The following SRGAP1 variants were observed in gnomAD, a reference collection of about 807,000 sequenced individuals.
SRGAP1 encodes SLIT-ROBO Rho GTPase-activating protein 1.
Under a neutral mutation model 121.9 loss-of-function variants are expected in SRGAP1, and 43 were observed. That is an observed-to-expected ratio of 0.35 (90% CI 0.28 to 0.46). SRGAP1 has a LOEUF of 0.46. SRGAP1 is among the 20% of genes least tolerant of loss of function. The pLI is 1.00. For missense variants in SRGAP1, 1,102 were observed against 1,350.9 expected, an observed-to-expected ratio of 0.82 and a Z score of 2.89; for synonymous variants, 447 against 485.4, an observed-to-expected ratio of 0.92 and a Z score of 1.04.
rs1253455605 is a variant in SRGAP1, at chr12:64,156,988, G to A, written c.*14316G>A. 4 of 152,178 alleles carry A rather than the reference G, an allele frequency of 2.6e-5. No homozygotes were observed. Among genetic ancestry groups the A allele is most frequent in the African/African-American group, 7.2e-5 (3 of 41,408 alleles). The allele number at this position is 152,178 out of a possible 1,614,324, so 9.4% of individuals were successfully genotyped here. ...TGCTCATGCTTTGGGACCAGAAAGC[G>A]GATGGTTTGATATGGTAGCTGCACT... On this transcript the variant is annotated 3_prime_UTR_variant, in exon 22 of 22. Coordinates refer to ENST00000355086, the MANE Select transcript of SRGAP1 (RefSeq NM_020762.4).
intron 1 of SRGAP1, among the ~76,000 whole-genome samples, chr12:63,964,146 T>C (rs1159100889): frequency 1.3e-5 from 2 of 152,130 alleles, no homozygotes; most frequent in Non-Finnish European, 2.9e-5. Context: ...TCTTAGTCTC[T>C]TTTTGCCTCA....
chr12:64,091,508 A>G (rs978738291), intron 12 of SRGAP1, 130 bp downstream of exon 12: 12 of 573,004 alleles, frequency 2.1e-5, no homozygotes, highest in Non-Finnish European at 2.9e-5. Context: ...CAGAAAATCA[A>G]TATAATATTT....
chr12:63,881,338 A>T (rs1412171437), intron 1 of SRGAP1, among the ~76,000 whole-genome samples: 1 of 152,210 alleles, frequency 6.6e-6, no homozygotes, highest in Non-Finnish European at 1.5e-5. Context: ...TCAGAATTTC[A>T]CCTGCGTAAT....
intron 4 of SRGAP1, among the ~76,000 whole-genome samples, chr12:64,028,868 G>A (rs1458250554): frequency 6.6e-6 from 1 of 152,122 alleles, no homozygotes; most frequent in Non-Finnish European, 1.5e-5. Context: ...TAGAAGAGTG[G>A]GGTACTTTAT....
At chr12:63,856,126 C>G (rs1899239956) in intron 1 of SRGAP1, among the ~76,000 whole-genome samples, 1 of 152,048 alleles carries the variant, frequency 6.6e-6, no homozygotes, top group South Asian at 2.1e-4. Context: ...GGCATGGTGG[C>G]AGGCGCTGGT....
At chr12:63,915,698 C>A (rs2030739297) in intron 1 of SRGAP1, among the ~76,000 whole-genome samples, 1 of 152,196 alleles carries the variant, frequency 6.6e-6, no homozygotes, top group Non-Finnish European at 1.5e-5. Context: ...TTAACAACTT[C>A]TAGATATGTC....
rs376795746 is a variant in SRGAP1 at position 64,080,401 on chromosome 12, C to G, written c.1408+31C>G. The G allele has an allele frequency of 1.5e-5, 23 of 1,487,162 alleles. No homozygotes were observed. In the African/African-American group the frequency reaches 3.2e-4, roughly 21 times the overall value. 92.1% of individuals were successfully genotyped at this position (1,487,162 alleles called of 1,614,324 possible). A position where few individuals can be genotyped will look rare whatever the true frequency, so the allele number is the denominator to read the frequency against. On this transcript the variant is annotated intron_variant, in intron 10 of 21. Coordinates refer to ENST00000355086, the MANE Select transcript of SRGAP1 (RefSeq NM_020762.4). ...TTATCCAAAATGTATGGGAAGATGA[C>G]CTGGATGATACATCGTATCATGTAT...
chr12:63,862,938 G>A (rs1899503907), intron 1 of SRGAP1, among the ~76,000 whole-genome samples: 1 of 152,134 alleles, frequency 6.6e-6, no homozygotes, highest in African/African-American at 2.4e-5. Flanking sequence ...CCCATTCCCT[G>A]TTCTTAGAGG....
intron 1 of SRGAP1, among the ~76,000 whole-genome samples, chr12:63,962,285 A>G (rs2032664900): frequency 6.6e-6 from 1 of 152,176 alleles, no homozygotes; most frequent in African/African-American, 2.4e-5. Flanking sequence ...CACTTTTTAC[A>G]ATGTAGGCTG....
chr12:63,985,954 G>A (rs972005380), intron 2 of SRGAP1, among the ~76,000 whole-genome samples: 2 of 152,142 alleles, frequency 1.3e-5, no homozygotes, highest in Admixed American at 1.3e-4. Flanking sequence ...ACCTCTCCAT[G>A]ACCTTGGACC....
chr12:64,132,704 C>G (rs1020412647), intron 21 of SRGAP1, among the ~76,000 whole-genome samples: 2 of 152,212 alleles, frequency 1.3e-5, no homozygotes, highest in African/African-American at 4.8e-5. Context: ...AGTGTGTTTG[C>G]TACTTCTTGC....
In SRGAP1 at chr12:63,889,251, G is replaced by A. The variant is rs1900495986; in HGVS notation, c.67+44368G>A. Among the ~76,000 whole-genome samples, 6 of 152,146 alleles carry A rather than the reference G, an allele frequency of 3.9e-5. No individual in the cohort carries two copies. In the South Asian group the frequency reaches 1.2e-3, roughly 32 times the overall value. ...TATGGAAGGACGAGTGAGTGATTGGGTGACAGGGACAAAGCCACATTTGCT... is the reference window on the plus strand; with the variant it reads ...TATGGAAGGACGAGTGAGTGATTGGATGACAGGGACAAAGCCACATTTGCT... On this transcript the variant is annotated intron_variant, in intron 1 of 21. Coordinates refer to ENST00000355086, the MANE Select transcript of SRGAP1 (RefSeq NM_020762.4).
rs553343347 is a variant in SRGAP1, at chr12:64,113,364, C to T, written c.2144+1378C>T. On this transcript the variant is annotated intron_variant, in intron 17 of 21. Coordinates refer to ENST00000355086, the MANE Select transcript of SRGAP1 (RefSeq NM_020762.4). ...TAGAGGTTGCAGTGAGCCAAGATCGCGCCACTGCACTCCAGCCTGGGTGAC... is the reference window on the plus strand; with the variant it reads ...TAGAGGTTGCAGTGAGCCAAGATCGTGCCACTGCACTCCAGCCTGGGTGAC... 1.4e-4 allele frequency among the ~76,000 whole-genome samples: 21 copies of T among 151,982 alleles called. No individual in the cohort carries two copies. In the East Asian group the frequency reaches 2.7e-3, roughly 20 times the overall value.
At chr12:63,967,904 C>CAGA (rs749404823) in intron 1 of SRGAP1, among the ~76,000 whole-genome samples, 7 of 152,172 alleles carry the variant, frequency 4.6e-5, no homozygotes, top group Non-Finnish European at 1.0e-4. Context: ...GCCTGGACTT[C>CAGA]AGATCATCTT....
chr12:63,895,325 GA>G (rs1233175238), intron 1 of SRGAP1, among the ~76,000 whole-genome samples: 6 of 152,172 alleles, frequency 3.9e-5, no homozygotes, highest in Non-Finnish European at 1.5e-5. Context: ...AAGTGTGGTT[GA>G]AAAGGTTTAT....
chr12:63,983,790 C>A (rs1040091160), intron 1 of SRGAP1, 157 bp from the exon 2 acceptor site: 32 of 105,868 alleles, frequency 3.0e-4, no homozygotes, highest in East Asian at 1.1e-3. Flanking sequence ...TAAATAAATA[C>A]ATTTAAAATA....
chr12:64,127,294 G>A lies in SRGAP1; in HGVS notation c.2406-296G>A, dbSNP rs563246690. Among the ~76,000 whole-genome samples the A allele has an allele frequency of 7.2e-5, 11 of 152,320 alleles. No individual in the cohort carries two copies. In the East Asian group the frequency reaches 2.1e-3, roughly 29 times the overall value. On this transcript the variant is annotated intron_variant, in intron 19 of 21. Transcript: ENST00000355086. ...AGATATGTATCCCAGGCATAGAATAGAAGATGGAGGAGGATATTTCTTAAA... is the reference window on the plus strand; with the variant it reads ...AGATATGTATCCCAGGCATAGAATAAAAGATGGAGGAGGATATTTCTTAAA...
chr12:63,972,429 A>G (rs987775582), intron 1 of SRGAP1, among the ~76,000 whole-genome samples: 2 of 152,374 alleles, frequency 1.3e-5, no homozygotes, highest in Non-Finnish European at 2.9e-5. Context: ...GTTGGAGGCC[A>G]TAAGGAGCAA....
At chr12:63,873,242 G>C (rs1899913182) in intron 1 of SRGAP1, among the ~76,000 whole-genome samples, 1 of 152,060 alleles carries the variant, frequency 6.6e-6, no homozygotes, top group South Asian at 2.1e-4. Flanking sequence ...GAAAACTGAG[G>C]AAAGTTGGCC....
Sources: allele counts gnomAD v4.1 joint callset (sites outside exome capture counted in the v4.1 genomes callset), GRCh38; gene constraint gnomAD v4.1.1; transcripts MANE v1.5; gene names NCBI Gene and HGNC (gene_info 2026-07-23, HGNC 2026-07-21).